The following C9orf153 variants were observed in gnomAD, a reference collection of about 807,000 sequenced individuals.
C9orf153 encodes chromosome 9 open reading frame 153.
In C9orf153, 10 loss-of-function variants were observed where a neutral mutation model predicts 9.0. That is an observed-to-expected ratio of 1.11 (90% confidence interval 0.69 to 1.89). The LOEUF is 1.89. Among genes scored for constraint, C9orf153 ranks in the 40% most tolerant of loss-of-function variants. The pLI is 0.00. For missense variants in C9orf153, 108 were observed against 111.0 expected, an observed-to-expected ratio of 0.97 and a Z score of 0.12; for synonymous variants, 35 against 37.3, an observed-to-expected ratio of 0.94 and a Z score of 0.23.
chr9:86,228,862 T>C (rs1383967945), intron 2 of C9orf153: 1 of 215,214 alleles, frequency 4.6e-6, no homozygotes, highest in Non-Finnish European at 1.0e-5. Flanking sequence ...TCTTCCAGAA[T>C]GTCAAGAGTC....
chr9:86,232,966 C>T (rs772642587), intron 1 of C9orf153, among the ~76,000 whole-genome samples: 4 of 152,108 alleles, frequency 2.6e-5, no homozygotes, highest in Admixed American at 6.6e-5. Flanking sequence ...CTCCTGACCT[C>T]AAGTGATCCA....
intron 3 of C9orf153, among the ~76,000 whole-genome samples, chr9:86,222,762 G>A (rs1824235909): frequency 6.6e-6 from 1 of 152,088 alleles, no homozygotes; most frequent in Non-Finnish European, 1.5e-5. Context: ...AACGGGCCAC[G>A]GGAACAAGTA....
In C9orf153 at chr9:86,228,036, G is replaced by GAA. The variant is rs1563997620; in HGVS notation, c.67-7_67-6insTT. 1 of 1,547,042 alleles carries GAA rather than the reference G, an allele frequency of 6.5e-7. No homozygotes were observed. The highest frequency in any genetic ancestry group is 8.7e-7 in the Non-Finnish European group (1 of 1,148,812). ...CATGCATATAATTCTGGAAGCTGTG[G>GAA]ACAAAAAAAAAAGTGGTAAGTCACG... On this transcript the variant is annotated splice_polypyrimidine_tract_variant and splice_region_variant and intron_variant, in intron 2 of 3. Transcript: ENST00000339137.
At chr9:86,238,092 AAAAAC>A (rs1023240854) in intron 1 of C9orf153, among the ~76,000 whole-genome samples, 8 of 152,146 alleles carry the variant, frequency 5.3e-5, no homozygotes, top group Non-Finnish European at 1.2e-4. Flanking sequence ...CGAAAAACCA[AAAAAC>A]AAAACAAAAC....
rs373480986 is a variant in C9orf153, at chr9:86,230,511, G to C, written c.-26-882C>G. Among the ~76,000 whole-genome samples the C allele has an allele frequency of 9.8e-5, 15 of 152,300 alleles. No individual in the cohort carries two copies. The South Asian group carries it at 2.3e-3, about 23-fold the overall frequency. ...AGACAGGGTTTCACCGTGTTGGTCAGGCTGGTCTTGAACTCCTGACCTCAG... is the reference window on the plus strand; with the variant it reads ...AGACAGGGTTTCACCGTGTTGGTCACGCTGGTCTTGAACTCCTGACCTCAG... On this transcript the variant is annotated intron_variant, in intron 1 of 3. Transcript: ENST00000339137.
intron 3 of C9orf153, among the ~76,000 whole-genome samples, chr9:86,224,940 CAAAA>C: frequency 1.4e-5 from 1 of 73,922 alleles, no homozygotes; most frequent in African/African-American, 5.6e-5. Context: ...GACTCCGTCT[CAAAA>C]AAAAAAAAAA....
Position 86,221,296 on chromosome 9 carries a change from C to T in C9orf153, c.*392G>A. ...TTAGCCCTGGTCCAAATGGGTTGCA[C>T]CGTCCAAACCACTTCTCACGTTAGC... is the stretch of plus-strand genomic sequence containing the variant. On this transcript the variant is annotated 3_prime_UTR_variant, in exon 4 of 4. Coordinates refer to ENST00000339137, the MANE Select transcript of C9orf153 (RefSeq NM_001276366.4). 1 of 163,872 alleles carries T rather than the reference C, an allele frequency of 6.1e-6. No individual in the cohort carries two copies. Among genetic ancestry groups the T allele is most frequent in the Admixed American group, 6.4e-5 (1 of 15,606 alleles). 10.2% of individuals were successfully genotyped at this position (163,872 alleles called of 1,614,324 possible).
At chr9:86,257,792 T>A (rs899061967) in intron 1 of C9orf153, among the ~76,000 whole-genome samples, 1 of 152,152 alleles carries the variant, frequency 6.6e-6, no homozygotes, top group African/African-American at 2.4e-5. Flanking sequence ...AGGGGAAAAG[T>A]CTGTGGTCTT....
At position 86,229,534 on chromosome 9, in the gene C9orf153, A is replaced by G. The variant is rs773609316; in HGVS notation, c.66+4T>C. ...CACCTCGTTGTACAATGTTAAGTAC[A>G]TACTGAACATTGAGGAAGGGTGGCT... On this transcript the variant is annotated splice_donor_region_variant and intron_variant, in intron 2 of 3. Transcript: ENST00000339137. 2.5e-6 allele frequency: 4 copies of G among 1,584,436 alleles called. No homozygotes were observed. In the East Asian group the frequency reaches 6.7e-5, roughly 27 times the overall value.
At chr9:86,241,245 C>G (rs926949050) in intron 1 of C9orf153, among the ~76,000 whole-genome samples, 2 of 152,196 alleles carry the variant, frequency 1.3e-5, no homozygotes, top group African/African-American at 4.8e-5. Flanking sequence ...CACTTCAGCC[C>G]TGTCATTTAG....
chr9:86,224,420 A>G (rs1282576943), intron 3 of C9orf153, among the ~76,000 whole-genome samples: 2 of 152,004 alleles, frequency 1.3e-5, no homozygotes, highest in Non-Finnish European at 2.9e-5. Context: ...AATTGAGAAC[A>G]AAGTTACAGT....
chr9:86,241,029 C>T (rs1466959157), intron 1 of C9orf153, among the ~76,000 whole-genome samples: 1 of 151,842 alleles, frequency 6.6e-6, no homozygotes, highest in Non-Finnish European at 1.5e-5. Context: ...CTTTTGTGCC[C>T]CTACCCCCTC....
chr9:86,250,607 T>C (rs1439820569), intron 1 of C9orf153, among the ~76,000 whole-genome samples: 1 of 152,240 alleles, frequency 6.6e-6, no homozygotes, highest in Non-Finnish European at 1.5e-5. Context: ...TAATGTAATA[T>C]ACATCCGTTT....
intron 2 of C9orf153, among the ~76,000 whole-genome samples, chr9:86,228,656 A>G (rs1477289762): frequency 1.3e-5 from 2 of 152,216 alleles, no homozygotes; most frequent in East Asian, 3.9e-4. Flanking sequence ...TATACTTCCT[A>G]CAAATCCTAT....
intron 3 of C9orf153, among the ~76,000 whole-genome samples, chr9:86,226,542 A>C (rs762067669): frequency 6.6e-6 from 1 of 152,022 alleles, no homozygotes; most frequent in Non-Finnish European, 1.5e-5. Context: ...CCGTCCCACT[A>C]CTTTTAATAT....
chr9:86,232,117 C>G (rs1292138261), intron 1 of C9orf153, among the ~76,000 whole-genome samples: 1 of 152,150 alleles, frequency 6.6e-6, no homozygotes, highest in South Asian at 2.1e-4. Flanking sequence ...GGAGTCAAAG[C>G]AATAGCTAAG....
In C9orf153 at chr9:86,221,578, G is replaced by C. The variant is rs1433813542; in HGVS notation, c.*110C>G. ...ATGACCAAAGACTTGCGAACTATAG[G>C]GGGGAAAATAACGTCAGGCATGTCC... On this transcript the variant is annotated 3_prime_UTR_variant, in exon 4 of 4. Transcript: ENST00000339137. 9 of 1,417,504 alleles carry C rather than the reference G, an allele frequency of 6.3e-6. No homozygotes were observed. The Admixed American group carries it at 9.2e-5, about 15-fold the overall frequency. 87.8% of individuals were successfully genotyped at this position (1,417,504 alleles called of 1,614,324 possible). A position where few individuals can be genotyped will look rare whatever the true frequency, so the allele number is the denominator to read the frequency against.
intron 1 of C9orf153, among the ~76,000 whole-genome samples, chr9:86,240,703 T>TTTTC (rs1211158365): frequency 6.7e-5 from 3 of 44,734 alleles, no homozygotes; most frequent in African/African-American, 5.2e-4. Flanking sequence ...TTCTTTTTCT[T>TTTTC]TTTCTTTTTT....
chr9:86,224,772 A>G (rs1389969857), intron 3 of C9orf153, among the ~76,000 whole-genome samples: 1 of 44,434 alleles, frequency 2.3e-5, no homozygotes, highest in Non-Finnish European at 4.1e-5. Flanking sequence ...CTAAAAATAC[A>G]AAAAAAAAAA....
Sources: allele counts gnomAD v4.1 joint callset (sites outside exome capture counted in the v4.1 genomes callset), GRCh38; gene constraint gnomAD v4.1.1; transcripts MANE v1.5; gene names NCBI Gene and HGNC (gene_info 2026-07-23, HGNC 2026-07-21).